The following SEMA5A variants were observed in gnomAD, a reference collection of about 807,000 sequenced individuals.
SEMA5A encodes the protein semaphorin 5A, also known as semaphorin-5A.
In SEMA5A, 55 loss-of-function variants were observed where a neutral mutation model predicts 135.5. The ratio of observed to expected loss-of-function variants is 0.41; its 90% CI spans 0.33 to 0.51. The LOEUF (loss-of-function observed/expected upper bound fraction) is 0.51. SEMA5A is among the 20% of genes least tolerant of loss of function. The pLI, the probability that SEMA5A is intolerant of heterozygous loss-of-function variation, is 0.37. For synonymous variants in SEMA5A, 580 were observed against 546.5 expected, an observed-to-expected ratio of 1.06 and a Z score of -0.85; for missense variants, 1,290 against 1,419.9, an observed-to-expected ratio of 0.91 and a Z score of 1.47.
At chr5:9,352,057 C>T (rs1196918133) in intron 3 of SEMA5A, among the ~76,000 whole-genome samples, 2 of 148,488 alleles carry the variant, frequency 1.3e-5, no homozygotes, top group Non-Finnish European at 3.0e-5. Context: ...TTCCTATGTA[C>T]TCCCTGTTTA....
At chr5:9,208,557 A>G (rs1331485848) in intron 8 of SEMA5A, among the ~76,000 whole-genome samples, 1 of 152,154 alleles carries the variant, frequency 6.6e-6, no homozygotes, top group Non-Finnish European at 1.5e-5. Context: ...GAGAATAGGG[A>G]AAGGGCAGAG....
intron 11 of SEMA5A, among the ~76,000 whole-genome samples, chr5:9,161,631 G>A (rs1336038678): frequency 1.3e-5 from 2 of 152,166 alleles, no homozygotes; most frequent in Non-Finnish European, 2.9e-5. Context: ...GCAGGCTGTG[G>A]CTAATGTACG....
chr5:9,259,372 A>G (rs1379361459), intron 5 of SEMA5A, among the ~76,000 whole-genome samples: 1 of 152,054 alleles, frequency 6.6e-6, no homozygotes, highest in African/African-American at 2.4e-5. Context: ...TTTGAGTGAG[A>G]TTCTTAATCC....
At chr5:9,122,575 T>C in intron 14 of SEMA5A, 81 bp downstream of exon 14, 1 of 1,344,340 alleles carries the variant, frequency 7.4e-7, no homozygotes, top group East Asian at 2.6e-5. Flanking sequence ...AAGGGAGTTA[T>C]ATTATAAATG....
At chr5:9,102,987 T>C (rs1739711257) in intron 16 of SEMA5A, among the ~76,000 whole-genome samples, 2 of 152,172 alleles carry the variant, frequency 1.3e-5, no homozygotes. Flanking sequence ...GCTAAACAAA[T>C]ACAAAATATA....
chr5:9,410,153 T>C (rs1757050914), intron 2 of SEMA5A, among the ~76,000 whole-genome samples: 1 of 152,166 alleles, frequency 6.6e-6, no homozygotes, highest in Non-Finnish European at 1.5e-5. Flanking sequence ...AGAAAGAGTA[T>C]ACATAACAGA....
chr5:9,386,615 G>A (rs1209135053), intron 2 of SEMA5A, among the ~76,000 whole-genome samples: 1 of 152,194 alleles, frequency 6.6e-6, no homozygotes, highest in Non-Finnish European at 1.5e-5. Flanking sequence ...CATGGTGGCT[G>A]ACACCAGCCA....
chr5:9,208,010 A>T (rs1746142699), intron 8 of SEMA5A, among the ~76,000 whole-genome samples: 1 of 152,178 alleles, frequency 6.6e-6, no homozygotes, highest in East Asian at 1.9e-4. Flanking sequence ...TACATGGCTC[A>T]ATACTTCCAC....
intron 13 of SEMA5A, among the ~76,000 whole-genome samples, chr5:9,127,083 C>T (rs921269480): frequency 6.6e-6 from 1 of 152,152 alleles, no homozygotes; most frequent in African/African-American, 2.4e-5. Flanking sequence ...AAACTAAATT[C>T]CTCTCACAGT....
At chr5:9,115,825 G>C (rs1217159192) in intron 15 of SEMA5A, among the ~76,000 whole-genome samples, 2 of 152,184 alleles carry the variant, frequency 1.3e-5, no homozygotes, top group African/African-American at 2.4e-5. Context: ...CCTCTAGGTT[G>C]TGGAGGCCTG....
At chr5:9,353,221 GA>G (rs1754257477) in intron 3 of SEMA5A, among the ~76,000 whole-genome samples, 1 of 137,620 alleles carries the variant, frequency 7.3e-6, no homozygotes, top group African/African-American at 2.9e-5. Flanking sequence ...GAAAGGAAAG[GA>G]AAGGAAAGGA....
chr5:9,094,259 GAATC>G (rs1168794254), intron 16 of SEMA5A, among the ~76,000 whole-genome samples: 1 of 151,994 alleles, frequency 6.6e-6, no homozygotes, highest in African/African-American at 2.4e-5. Flanking sequence ...CCACAGACAT[GAATC>G]AGTCATTGAA....
At chr5:9,153,089 C>G (rs1045309305) in intron 12 of SEMA5A, among the ~76,000 whole-genome samples, 1 of 146,990 alleles carries the variant, frequency 6.8e-6, no homozygotes, top group Non-Finnish European at 1.5e-5. Flanking sequence ...AAAAAGGCAA[C>G]AACAGGTCTG....
intron 12 of SEMA5A, among the ~76,000 whole-genome samples, chr5:9,140,743 A>C (rs1459881547): frequency 6.6e-6 from 1 of 152,232 alleles, no homozygotes; most frequent in African/African-American, 2.4e-5. Flanking sequence ...TACACAGAGC[A>C]AAAGCATAGC....
At chr5:9,276,044 T>C (rs1045484141) in intron 5 of SEMA5A, among the ~76,000 whole-genome samples, 2 of 152,184 alleles carry the variant, frequency 1.3e-5, no homozygotes, top group Non-Finnish European at 2.9e-5. Context: ...GATGATATGA[T>C]TGCATATTTA....
At chr5:9,119,918 TAAAAA>T (rs3836913) in intron 14 of SEMA5A, among the ~76,000 whole-genome samples, 4,609 of 152,148 alleles carry the variant, frequency 0.03, 124 homozygotes, top group South Asian at 0.078. Flanking sequence ...AAATATAAAA[TAAAAA>T]TAGGATGAAC....
At chr5:9,292,250 C>A (rs1751122743) in intron 5 of SEMA5A, among the ~76,000 whole-genome samples, 1 of 152,186 alleles carries the variant, frequency 6.6e-6, no homozygotes, top group Non-Finnish European at 1.5e-5. Flanking sequence ...TGGTCCATAA[C>A]TTAAATTGCA....
chr5:9,062,526 C>T (rs1010925487), intron 18 of SEMA5A, among the ~76,000 whole-genome samples: 3 of 152,132 alleles, frequency 2.0e-5, no homozygotes, highest in South Asian at 2.1e-4. Context: ...AGTGCAGTGG[C>T]CTGATGATGG....
chr5:9,165,798 C>T (rs1283577735), intron 11 of SEMA5A, among the ~76,000 whole-genome samples: 2 of 152,160 alleles, frequency 1.3e-5, no homozygotes, highest in African/African-American at 4.8e-5. Context: ...ACCATGGCAA[C>T]AGATCATTAT....
Sources: gnomAD v4.1 joint callset for allele counts (sites outside exome capture counted in the v4.1 genomes callset) on GRCh38, gnomAD v4.1.1 for gene constraint, MANE v1.5 for transcripts, NCBI Gene and HGNC (gene_info 2026-07-23, HGNC 2026-07-21) for gene names.